Variants in COLEC11 observed in about 807,000 individuals in gnomAD.
The protein encoded by COLEC11 is collectin subfamily member 11, also known as collectin-11.
COLEC11 carries 20 observed loss-of-function variants against 27.3 expected under a neutral mutation model. The ratio of observed to expected loss-of-function variants is 0.73; its 90% CI spans 0.51 to 1.06. COLEC11 has a LOEUF of 1.06. Among genes scored for constraint, COLEC11 ranks in the 50% least tolerant of loss-of-function variants. The probability of loss-of-function intolerance (pLI) is 0.00; values close to 1 mark genes in which losing one functional copy is unlikely to be tolerated. For missense variants in COLEC11, 310 were observed against 383.0 expected, an observed-to-expected ratio of 0.81 and a Z score of 1.59; for synonymous variants, 163 against 154.7, an observed-to-expected ratio of 1.05 and a Z score of -0.40.
intron 3 of COLEC11, among the ~76,000 whole-genome samples, chr2:3,622,515 C>A (rs552138488): frequency 1.3e-5 from 2 of 152,314 alleles, no homozygotes; most frequent in South Asian, 4.1e-4. Context: ...GAAACTTGAT[C>A]TTTAATGTAA....
At chr2:3,600,942 A>T (rs1373645808) in intron 1 of COLEC11, among the ~76,000 whole-genome samples, 1 of 152,208 alleles carries the variant, frequency 6.6e-6, no homozygotes, top group East Asian at 1.9e-4. Context: ...CGGCCCCGTG[A>T]TGGCTGTGTC....
At position 3,606,170 on chromosome 2, in the gene COLEC11, G is replaced by T. The variant is rs1378726352; in HGVS notation, c.130+1700G>T. The T allele has an allele frequency of 7.1e-6, 11 of 1,550,562 alleles. No individual in the cohort carries two copies. The South Asian group carries it at 7.1e-5, about 10-fold the overall frequency. The stretch of plus-strand genomic sequence containing the variant: ...GCTGTGGAGAGCTGGACTTTTGGCT[G>T]TGGAGGTCACGTCCCTGCCCAATGT... On this transcript the variant is annotated intron_variant, in intron 2 of 6. Coordinates refer to ENST00000349077, the MANE Select transcript of COLEC11 (RefSeq NM_024027.5).
intron 3 of COLEC11, chr2:3,617,714 G>A (rs1196107227): frequency 9.6e-6 from 15 of 1,563,158 alleles, no homozygotes; most frequent in East Asian, 6.7e-5. Context: ...CGAGGCGTGC[G>A]AGAACGAGAG....
chr2:3,640,520 C>T (rs1359581158), intron 5 of COLEC11, among the ~76,000 whole-genome samples, 189 bp downstream of exon 5: 1 of 123,846 alleles, frequency 8.1e-6, no homozygotes, highest in Non-Finnish European at 1.7e-5. Context: ...GGTGGACACC[C>T]ACCCCCGTCA....
intron 3 of COLEC11, among the ~76,000 whole-genome samples, chr2:3,627,347 GGGCATGATGATGCTGGGCAAGATGAT>G (rs58031153): frequency 0.15 from 22,289 of 147,752 alleles, 3,993 homozygotes; most frequent in African/African-American, 0.44. Context: ...GGGTGGATCT[GGGCATGATGATGCTGGGCAAGATGAT>G]GGCATGGTGA....
chr2:3,626,204 C>T, intron 3 of COLEC11: 1 of 933,852 alleles, frequency 1.1e-6, no homozygotes, highest in South Asian at 1.3e-5. Context: ...GAGCAGAAGC[C>T]CCATTTCTAG....
chr2:3,617,178 T>G (rs1663821715), intron 3 of COLEC11, among the ~76,000 whole-genome samples: 1 of 152,060 alleles, frequency 6.6e-6, no homozygotes, highest in Non-Finnish European at 1.5e-5. Context: ...TTTGCATATT[T>G]AAAAAATTGT....
At chr2:3,609,608 C>T (rs1432044986) in intron 2 of COLEC11, among the ~76,000 whole-genome samples, 1 of 151,858 alleles carries the variant, frequency 6.6e-6, no homozygotes, top group Non-Finnish European at 1.5e-5. Flanking sequence ...TGGCTCACTG[C>T]AACCTCTGCC....
chr2:3,598,843 T>C (rs1399171580), intron 1 of COLEC11, among the ~76,000 whole-genome samples: 2 of 152,110 alleles, frequency 1.3e-5, no homozygotes, highest in Non-Finnish European at 2.9e-5. Context: ...ACTTTCCATA[T>C]TGCATTGTCT....
intron 3 of COLEC11, among the ~76,000 whole-genome samples, chr2:3,637,170 G>A (rs1321991531): frequency 6.6e-6 from 1 of 152,304 alleles, no homozygotes; most frequent in Non-Finnish European, 1.5e-5. Flanking sequence ...GCAGGAGTAG[G>A]AGCTGGGAGG....
intron 3 of COLEC11, among the ~76,000 whole-genome samples, chr2:3,615,948 C>A (rs1456608118): frequency 6.3e-5 from 2 of 31,980 alleles, no homozygotes; most frequent in Non-Finnish European, 2.6e-4. Context: ...TGGAGATGCT[C>A]CTCACTTCCC....
At chr2:3,597,217 G>T (rs1382636567) in intron 1 of COLEC11, among the ~76,000 whole-genome samples, 1 of 152,112 alleles carries the variant, frequency 6.6e-6, no homozygotes, top group Non-Finnish European at 1.5e-5. Flanking sequence ...GGCTGCTCCG[G>T]GGTCAGTGAA....
chr2:3,627,264 G>A (rs147210500), intron 3 of COLEC11, among the ~76,000 whole-genome samples: 3 of 148,818 alleles, frequency 2.0e-5, no homozygotes, highest in South Asian at 2.2e-4. Context: ...GCATGATGAC[G>A]CTGGTCACGA....
At chr2:3,631,250 A>T (rs764098030) in intron 3 of COLEC11, among the ~76,000 whole-genome samples, 3 of 151,652 alleles carry the variant, frequency 2.0e-5, no homozygotes, top group Non-Finnish European at 4.4e-5. Flanking sequence ...AGAAAAAATT[A>T]AAAAAAAAGA....
chr2:3,603,227 C>A (rs1230782556), intron 1 of COLEC11, among the ~76,000 whole-genome samples: 2 of 152,260 alleles, frequency 1.3e-5, no homozygotes, highest in East Asian at 3.8e-4. Flanking sequence ...CCTCTCTCCC[C>A]TCCTGTCCCT....
intron 2 of COLEC11, among the ~76,000 whole-genome samples, chr2:3,610,700 T>TGTCTGAG (rs1379436956): frequency 6.6e-6 from 1 of 152,196 alleles, no homozygotes; most frequent in Non-Finnish European, 1.5e-5. Flanking sequence ...GTGCACCTGC[T>TGTCTGAG]GACCCTGTCC....
intron 2 of COLEC11, among the ~76,000 whole-genome samples, chr2:3,610,404 C>T (rs78815975): frequency 0.049 from 7,400 of 152,166 alleles, 269 homozygotes; most frequent in Non-Finnish European, 0.079. Flanking sequence ...TCTGGGGGAC[C>T]GAGGGTTGGG....
chr2:3,635,625 G>T (rs890610710), intron 3 of COLEC11, among the ~76,000 whole-genome samples: 1 of 152,238 alleles, frequency 6.6e-6, no homozygotes, highest in Non-Finnish European at 1.5e-5. Context: ...CAAACCCTGA[G>T]CTCTGATCCC....
chr2:3,643,001 A>T (rs1572484209), intron 5 of COLEC11, among the ~76,000 whole-genome samples: 1 of 151,624 alleles, frequency 6.6e-6, no homozygotes, highest in African/African-American at 2.4e-5. Context: ...TGGCCCCACC[A>T]CCTCTTCCAT....
Sources: allele counts gnomAD v4.1 joint callset (sites outside exome capture counted in the v4.1 genomes callset), GRCh38; gene constraint gnomAD v4.1.1; transcripts MANE v1.5; gene names NCBI Gene and HGNC (gene_info 2026-07-23, HGNC 2026-07-21).